The following GAS2 variants were observed in gnomAD, a reference collection of about 807,000 sequenced individuals.
GAS2 encodes the protein growth arrest-specific protein 2.
In GAS2, 20 loss-of-function variants were observed where a neutral mutation model predicts 37.5. The ratio of observed to expected loss-of-function variants is 0.53; its 90% CI spans 0.37 to 0.77. The LOEUF (loss-of-function observed/expected upper bound fraction) is 0.77, where lower values mean the gene tolerates loss of function less well. Among genes scored for constraint, GAS2 ranks in the 30% least tolerant of loss-of-function variants. The probability of loss-of-function intolerance (pLI) is 0.00; values close to 1 mark genes in which losing one functional copy is unlikely to be tolerated. For missense variants in GAS2, 336 were observed against 373.4 expected, an observed-to-expected ratio of 0.90 and a Z score of 0.82; for synonymous variants, 144 against 132.2, an observed-to-expected ratio of 1.09 and a Z score of -0.61.
intron 2 of GAS2, among the ~76,000 whole-genome samples, chr11:22,678,249 GATA>G (rs1234568379): frequency 6.6e-6 from 1 of 152,070 alleles, no homozygotes; most frequent in Non-Finnish European, 1.5e-5. Context: ...CTAGAATGGT[GATA>G]ATAAGGAGGG....
At chr11:22,696,801 T>A (rs1850543370) in intron 3 of GAS2, among the ~76,000 whole-genome samples, 1 of 152,036 alleles carries the variant, frequency 6.6e-6, no homozygotes, top group Non-Finnish European at 1.5e-5. Flanking sequence ...TTTGTTTTTT[T>A]CTTGTAAATT....
upstream of GAS2, among the ~76,000 whole-genome samples, chr11:22,664,877 C>CA (rs201426670): frequency 1.3e-4 from 19 of 151,122 alleles, no homozygotes; most frequent in Non-Finnish European, 2.4e-4. Flanking sequence ...CTTTTGTCAC[C>CA]AAAAAAAATA....
intron 7 of GAS2, among the ~76,000 whole-genome samples, chr11:22,810,530 C>T (rs1287558763): frequency 6.6e-6 from 1 of 152,182 alleles, no homozygotes; most frequent in African/African-American, 2.4e-5. Context: ...TTCTCATACT[C>T]TAAATGAGAA....
At chr11:22,726,481 T>G (rs1443558367) in intron 4 of GAS2, 48 bp downstream of exon 4, 5 of 1,551,472 alleles carry the variant, frequency 3.2e-6, no homozygotes, top group Non-Finnish European at 4.4e-6. Context: ...GCAAATTATC[T>G]TTTGTCTTTG....
At chr11:22,682,888 G>GAAAAAAAAAAAAAAAAGA (rs1849760543) in intron 2 of GAS2, among the ~76,000 whole-genome samples, 3 of 102,356 alleles carry the variant, frequency 2.9e-5, no homozygotes, top group Non-Finnish European at 4.1e-5. Flanking sequence ...AAAAAAAAAG[G>GAAAAAAAAAAAAAAAAGA]AAAAAAAAAA....
chr11:22,793,135 G>A (rs1328498620), intron 7 of GAS2, among the ~76,000 whole-genome samples: 1 of 152,050 alleles, frequency 6.6e-6, no homozygotes, highest in Non-Finnish European at 1.5e-5. Context: ...TTAGTCAGGT[G>A]TGGTGCCACA....
rs139919146 is a variant in GAS2 at position 22,723,127 on chromosome 11, T to A, written c.268-3165T>A. On this transcript the variant is annotated intron_variant, in intron 3 of 7. Transcript: ENST00000454584. ...GAAAATTGGAAGCTTCTATTCACAC[T>A]GTTTACTATTTCCCAGTCTTCAGCT... is the stretch of plus-strand genomic sequence containing the variant. Among the ~76,000 whole-genome samples the A allele has an allele frequency of 6.1e-3, 923 of 152,008 alleles. 16 individuals are homozygous for A. Among genetic ancestry groups the A allele is most frequent in the African/African-American group, 0.02 (839 of 41,524 alleles).
At chr11:22,777,745 G>C (rs188095729) in intron 7 of GAS2, among the ~76,000 whole-genome samples, 215 of 152,270 alleles carry the variant, frequency 1.4e-3, no homozygotes, top group Admixed American at 2.4e-3. Context: ...GCAATTGTTG[G>C]AGGGCCTTGA....
At chr11:22,627,427 G>A (rs1858677667) in intron 1 of GAS2, among the ~76,000 whole-genome samples, 1 of 152,314 alleles carries the variant, frequency 6.6e-6, no homozygotes, top group Admixed American at 6.5e-5. Flanking sequence ...ATGAAATTGA[G>A]TGGGGTCACC....
intron 7 of GAS2, among the ~76,000 whole-genome samples, chr11:22,761,947 G>C (rs1182457664): frequency 2.0e-5 from 3 of 152,118 alleles, no homozygotes; most frequent in Non-Finnish European, 4.4e-5. Flanking sequence ...TGATCTGCAA[G>C]CTCCTAGAGG....
intron 3 of GAS2, among the ~76,000 whole-genome samples, chr11:22,711,577 G>A (rs1480065400): frequency 6.6e-6 from 1 of 152,230 alleles, no homozygotes; most frequent in Non-Finnish European, 1.5e-5. Flanking sequence ...AGCCCTGCTT[G>A]CTTTCTCAAT....
chr11:22,737,424 A>G (rs1852812563), intron 4 of GAS2, among the ~76,000 whole-genome samples: 1 of 152,176 alleles, frequency 6.6e-6, no homozygotes, highest in Non-Finnish European at 1.5e-5. Flanking sequence ...TGAATAAAAC[A>G]TTTTTAGGGT....
chr11:22,671,129 T>G (rs1423351567), intron 1 of GAS2, among the ~76,000 whole-genome samples: 1 of 152,136 alleles, frequency 6.6e-6, no homozygotes, highest in Non-Finnish European at 1.5e-5. Flanking sequence ...ACAAAGTCAT[T>G]ATTTTTTTCT....
intron 7 of GAS2, among the ~76,000 whole-genome samples, chr11:22,787,426 T>A (rs1280787313): frequency 6.6e-6 from 1 of 152,176 alleles, no homozygotes; most frequent in Non-Finnish European, 1.5e-5. Context: ...TACAATTATA[T>A]GCGATATATG....
intron 2 of GAS2, among the ~76,000 whole-genome samples, chr11:22,679,842 A>T (rs10833799): frequency 0.55 from 83,841 of 151,386 alleles, 25,744 homozygotes; most frequent in East Asian, 0.76. Context: ...CAGATATATT[A>T]AAAATCAAGT....
chr11:22,652,993 G>GTCTTTCTTTGTCTTTCTTTCTT (rs1848805951), intron 1 of GAS2, among the ~76,000 whole-genome samples: 2 of 97,036 alleles, frequency 2.1e-5, no homozygotes, highest in Non-Finnish European at 4.0e-5. Flanking sequence ...TTCTTTCTTT[G>GTCTTTCTTTGTCTTTCTTTCTT]TCTTTCTTTC....
chr11:22,734,380 T>C (rs1196515382), intron 4 of GAS2, among the ~76,000 whole-genome samples: 1 of 151,668 alleles, frequency 6.6e-6, no homozygotes, highest in Non-Finnish European at 1.5e-5. Flanking sequence ...TTTGATTAAA[T>C]TTAGAATTAA....
At chr11:22,666,318 A>C (rs1026228641), upstream of GAS2, among the ~76,000 whole-genome samples, 4 of 152,272 alleles carry the variant, frequency 2.6e-5, no homozygotes, top group African/African-American at 9.6e-5. Context: ...GGCCGAAGTT[A>C]CTGGAAAGCT....
intron 3 of GAS2, among the ~76,000 whole-genome samples, chr11:22,694,820 C>G (rs1353810826): frequency 1.3e-5 from 2 of 152,130 alleles, no homozygotes; most frequent in Non-Finnish European, 2.9e-5. Flanking sequence ...CCCTCAAAAT[C>G]TATTGCAAAG....
Sources: gnomAD v4.1 joint callset for allele counts (sites outside exome capture counted in the v4.1 genomes callset) on GRCh38, gnomAD v4.1.1 for gene constraint, MANE v1.5 for transcripts, NCBI Gene and HGNC (gene_info 2026-07-23, HGNC 2026-07-21) for gene names.